Variants in RRAGC observed in about 807,000 individuals in gnomAD.
The protein encoded by RRAGC is Ras related GTP binding C.
Under a neutral mutation model 37.1 loss-of-function variants are expected in RRAGC, and 8 were observed. That is an observed-to-expected ratio of 0.22 (90% CI 0.13 to 0.39). RRAGC has a LOEUF of 0.39. RRAGC is among the 10% of genes least tolerant of loss of function. The pLI is 1.00. For synonymous variants in RRAGC, 190 were observed against 181.1 expected (o/e 1.05, Z -0.39); for missense variants, 342 against 497.6 (o/e 0.69, Z 2.98).
chr1:38,843,124 G>T (rs916902561), intron 6 of RRAGC, among the ~76,000 whole-genome samples: 44 of 152,212 alleles, frequency 2.9e-4, no homozygotes, highest in African/African-American at 9.9e-4. Flanking sequence ...GAGGCAACGA[G>T]TTCAAGACCA....
At chr1:38,842,592 T>C (rs962638645) in intron 6 of RRAGC, among the ~76,000 whole-genome samples, 1 of 152,134 alleles carries the variant, frequency 6.6e-6, no homozygotes, top group Admixed American at 6.5e-5. Context: ...AATAGTAAAG[T>C]CACTTTGGAG....
In RRAGC at chr1:38,846,053, T is replaced by C. The variant is rs1642024166; in HGVS notation, c.934A>G (p.Lys312Glu). Residue 312 changes from lysine to glutamate, a missense_variant, in exon 6 of 7, where the codon AAA becomes GAA. By Grantham distance (56) the Lys-to-Glu change is moderately conservative. Transcript: ENST00000373001. ...KEDGSGSAYD[K>E]ESMAIIKLNN... Reference sequence around the variant, plus strand: ...AGCTTGATAATTGCCATAGATTCTTTGTCATAAGCACTTCCACTTCCATCT... The same window carrying C: ...AGCTTGATAATTGCCATAGATTCTTCGTCATAAGCACTTCCACTTCCATCT... 1.2e-6 allele frequency: 2 copies of C among 1,610,814 alleles called. No homozygotes were observed. The highest frequency in any genetic ancestry group is 1.3e-5 in the African/African-American group (1 of 74,792).
At chr1:38,843,625 CAGG>C (rs1036054339) in intron 6 of RRAGC, among the ~76,000 whole-genome samples, 30 of 150,566 alleles carry the variant, frequency 2.0e-4, no homozygotes, top group Admixed American at 1.9e-3. Context: ...GAGGGTGAGG[CAGG>C]AGAATGATGT....
In RRAGC at chr1:38,838,695, G is replaced by T. The variant is rs549571580; in HGVS notation, c.*858C>A. The T allele has an allele frequency of 6.6e-6, 1 of 152,156 alleles. No homozygotes were observed. Among genetic ancestry groups the T allele is most frequent in the African/African-American group, 2.4e-5 (1 of 41,424 alleles). 9.4% of individuals were successfully genotyped at this position (152,156 alleles called of 1,614,324 possible). A position where few individuals can be genotyped will look rare whatever the true frequency, so the allele number is the denominator to read the frequency against. ...TCAACCAAATGCAATCAAGAAGCTCGATAGCTTAGAATAAAAGGTCTGTAG... is the reference window on the plus strand; with the variant it reads ...TCAACCAAATGCAATCAAGAAGCTCTATAGCTTAGAATAAAAGGTCTGTAG... On this transcript the variant is annotated 3_prime_UTR_variant, in exon 7 of 7. Transcript: ENST00000373001.
At chr1:38,846,488 G>A (rs59703905) in intron 5 of RRAGC, 34,826 of 155,428 alleles carry the variant, frequency 0.22, 4,727 homozygotes, top group African/African-American at 0.38. Context: ...GGGACCTGCC[G>A]CCTCACTTAG....
chr1:38,853,102 G>A (rs910275962), intron 3 of RRAGC, among the ~76,000 whole-genome samples: 4 of 152,166 alleles, frequency 2.6e-5, no homozygotes, highest in African/African-American at 9.7e-5. Context: ...CTAGCAGCAA[G>A]CCCACTTCCC....
rs993413361 is a variant in RRAGC, at chr1:38,859,630, C to G, written c.17G>C (p.Gly6Ala). 1.9e-6 allele frequency: 3 copies of G among 1,560,282 alleles called. No individual in the cohort carries two copies. Among genetic ancestry groups the G allele is most frequent in the Non-Finnish European group, 2.6e-6 (3 of 1,153,736 alleles). Residue 6 changes from glycine to alanine, a missense_variant, in exon 1 of 7, where the codon GGG (glycine) becomes GCG (alanine). By Grantham distance (60) the Gly-to-Ala change is moderately conservative. This residue lies in a region of RRAGC where 104 missense variants were observed against 93.4 expected (regional missense o/e 1.11). Coordinates refer to ENST00000373001, the MANE Select transcript of RRAGC (RefSeq NM_022157.4). ...GCCGGCGAGGGGCGTCTCCTCCGCC[C>G]CGTACTGCAGGGACATGGTGCTGGA... MSLQY[G>A]AEETPLAGSY...
chr1:38,839,831 G>A, intron 6 of RRAGC, 127 bp from the exon 7 acceptor site: 1 of 875,404 alleles, frequency 1.1e-6, no homozygotes. Context: ...AAACTAGATA[G>A]CAACTTCTTC....
chr1:38,856,736 C>A, intron 2 of RRAGC, 143 bp downstream of exon 2: 1 of 705,382 alleles, frequency 1.4e-6, no homozygotes. Flanking sequence ...CCAAAGCACT[C>A]TGCAACTGCA....
chr1:38,847,681 TTTAACCACA>T (rs1265282271), intron 5 of RRAGC: 3 of 152,264 alleles, frequency 2.0e-5, no homozygotes, highest in South Asian at 2.1e-4. Flanking sequence ...TATAGCCCTA[TTTAACCACA>T]TTATGTCCTT....
chr1:38,852,468 T>G lies in RRAGC; in HGVS notation c.662A>C (p.Tyr221Ser). 1 of 1,585,266 alleles carries G rather than the reference T, an allele frequency of 6.3e-7. No homozygotes were observed. Among genetic ancestry groups the G allele is most frequent in the East Asian group, 2.2e-5 (1 of 44,584 alleles). The change falls in exon 4 of 7, where the codon TAT (tyrosine) becomes TCT (serine). Residue 221 changes from tyrosine (Y) to serine (S), a missense_variant. Tyr to Ser is a moderately radical substitution (Grantham distance 144). Coordinates refer to ENST00000373001, the MANE Select transcript of RRAGC (RefSeq NM_022157.4). The stretch of plus-strand genomic sequence containing the variant: ...AAAGGCTTCAAATATTGAATGGTCA[T>G]AGATACTAGTCAGATAAAAGCTGAA... Reference protein sequence around the residue: ...LHLSFYLTSIYDHSIFEAFSK... With the variant: ...LHLSFYLTSISDHSIFEAFSK...
At chr1:38,857,889 G>A (rs1312514096) in intron 1 of RRAGC, among the ~76,000 whole-genome samples, 1 of 152,114 alleles carries the variant, frequency 6.6e-6, no homozygotes, top group African/African-American at 2.4e-5. Flanking sequence ...GAACCCAGGA[G>A]GTGGAGGCTG....
intron 5 of RRAGC, among the ~76,000 whole-genome samples, chr1:38,850,843 TG>T (rs112541442): frequency 0.2 from 30,694 of 151,324 alleles, 3,483 homozygotes; most frequent in East Asian, 0.31. Flanking sequence ...CTTTTTTTGT[TG>T]TTTTTTTTTG....
chr1:38,842,054 C>T (rs1641970122), intron 6 of RRAGC, among the ~76,000 whole-genome samples: 2 of 152,100 alleles, frequency 1.3e-5, no homozygotes, highest in Non-Finnish European at 1.5e-5. Flanking sequence ...AGGTGGATCA[C>T]GAGGTCAGGA....
chr1:38,839,586 C>T lies in RRAGC; in HGVS notation c.1167G>A (p.Leu389=). The T allele has an allele frequency of 6.2e-7, 1 of 1,614,106 alleles. No individual in the cohort carries two copies. The highest frequency in any genetic ancestry group is 1.1e-5 in the South Asian group (1 of 91,082). The stretch of plus-strand genomic sequence containing the variant: ...CGTTTCGTGGCGTGCCATTGTGTGT[C>T]AGCGCTTTCAGACTGGAGGCACTAG... The part of the protein sequence containing the change: ...HQTSASSLKA[L]THNGTPRNAI The change falls in exon 7 of 7, where the codon CTG becomes CTA. Residue 389 remains leucine, a synonymous_variant. Transcript: ENST00000373001.
chr1:38,859,747 A>ACCGCCC lies in RRAGC; in HGVS notation c.-107_-102dup, dbSNP rs1383260179. 1.7e-5 allele frequency: 18 copies of ACCGCCC among 1,044,848 alleles called. No homozygotes were observed. The highest frequency in any genetic ancestry group is 1.7e-4 in the African/African-American group (10 of 58,346). The allele number at this position is 1,044,848 out of a possible 1,614,324, so 64.7% of individuals were successfully genotyped here. The stretch of plus-strand genomic sequence containing the variant: ...CTCCGCCGCCGCCGCCACCACCGCC[A>ACCGCCC]CCGCCCCCGGCAGCCGCCACAGTCC... On this transcript the variant is annotated 5_prime_UTR_variant, in exon 1 of 7. Coordinates refer to ENST00000373001, the MANE Select transcript of RRAGC (RefSeq NM_022157.4).
At chr1:38,849,327 A>G (rs1484606008) in intron 5 of RRAGC, among the ~76,000 whole-genome samples, 1 of 152,172 alleles carries the variant, frequency 6.6e-6, no homozygotes, top group Non-Finnish European at 1.5e-5. Context: ...CCCCAAATTT[A>G]GCTAGGACTA....
intron 1 of RRAGC, among the ~76,000 whole-genome samples, chr1:38,857,676 CGGCCCGGGTGCGGT>C (rs1387079087): frequency 6.6e-6 from 1 of 152,196 alleles, no homozygotes; most frequent in Non-Finnish European, 1.5e-5. Flanking sequence ...TCACAATAAT[CGGCCCGGGTGCGGT>C]GGCTCACGCC....
At chr1:38,851,555 A>C (rs1011435182) in intron 5 of RRAGC, 60 bp downstream of exon 5, 2 of 1,428,104 alleles carry the variant, frequency 1.4e-6, no homozygotes, top group Non-Finnish European at 9.2e-7. Context: ...TCTTCTGAAC[A>C]AATCAAGTTA....
Sources: gnomAD v4.1 joint callset for allele counts (sites outside exome capture counted in the v4.1 genomes callset) on GRCh38, gnomAD v4.1.1 for gene constraint, gnomAD v4.1.1 regional missense constraint, MANE v1.5 for transcripts, NCBI Gene and HGNC (gene_info 2026-07-23, HGNC 2026-07-21) for gene names.